The following RBPJ variants were observed in gnomAD, a reference collection of about 807,000 sequenced individuals.
RBPJ encodes recombination signal binding protein for immunoglobulin kappa J region, also known as recombining binding protein suppressor of hairless.
Under a neutral mutation model 67.8 loss-of-function variants are expected in RBPJ, and 9 were observed. That is an observed-to-expected ratio of 0.13 (90% confidence interval 0.08 to 0.23). The LOEUF is 0.23. Among genes scored for constraint, RBPJ ranks in the 10% least tolerant of loss-of-function variants. The pLI is 1.00. For missense variants in RBPJ, 305 were observed against 595.6 expected (o/e 0.51, Z 5.08); for synonymous variants, 198 against 203.3 (o/e 0.97, Z 0.22).
intron 1 of RBPJ, among the ~76,000 whole-genome samples, chr4:26,337,250 C>T (rs569738108): frequency 2.0e-5 from 3 of 152,022 alleles, no homozygotes; most frequent in Admixed American, 6.5e-5. Flanking sequence ...GGATTACAGA[C>T]GTGAGCCACC....
At chr4:26,146,677 G>T in the RBPJ span, among the ~76,000 whole-genome samples, 1 of 152,080 alleles carries the variant, frequency 6.6e-6, no homozygotes, top group East Asian at 1.9e-4. Flanking sequence ...GGAGTATGAG[G>T]GGCCCATAAT....
intron 1 of RBPJ, among the ~76,000 whole-genome samples, chr4:26,349,083 T>C (rs1726500800): frequency 1.2e-5 from 1 of 85,508 alleles, no homozygotes; most frequent in Non-Finnish European, 2.8e-5. Context: ...TGTGTGTGTG[T>C]GTGTGCGCGC....
intron 1 of RBPJ, among the ~76,000 whole-genome samples, chr4:26,276,090 CATGG>C (rs1357690574): frequency 1.3e-5 from 2 of 150,808 alleles, no homozygotes; most frequent in African/African-American, 4.9e-5. Context: ...GCCTGGCCAA[CATGG>C]TGAAACCGCA....
At chr4:26,214,422 AAG>A (rs1206901709) in intron 1 of RBPJ, among the ~76,000 whole-genome samples, 22 of 143,494 alleles carry the variant, frequency 1.5e-4, no homozygotes, top group South Asian at 1.1e-3. Flanking sequence ...GAAAGAAAGA[AAG>A]AGAAAAAGAG....
intron 1 of RBPJ, among the ~76,000 whole-genome samples, chr4:26,199,442 A>G (rs1021198700): frequency 6.6e-5 from 10 of 152,316 alleles, no homozygotes; most frequent in Admixed American, 6.5e-4. Context: ...GATAACAAGT[A>G]TTCACTAACA....
intron 4 of RBPJ, among the ~76,000 whole-genome samples, chr4:26,420,192 T>C (rs1190638521): frequency 6.6e-6 from 1 of 152,124 alleles, no homozygotes; most frequent in African/African-American, 2.4e-5. Flanking sequence ...GAGAAAGTCA[T>C]TGATTTTTTT....
At chr4:26,132,813 C>T in the RBPJ span, among the ~76,000 whole-genome samples, 1 of 152,172 alleles carries the variant, frequency 6.6e-6, no homozygotes, top group East Asian at 1.9e-4. Context: ...TCTCAACCCC[C>T]CCACCCCACA....
intron 1 of RBPJ, among the ~76,000 whole-genome samples, chr4:26,308,308 A>G (rs1333679378): frequency 6.6e-6 from 1 of 152,214 alleles, no homozygotes; most frequent in Admixed American, 6.5e-5. Context: ...AATGCATTTT[A>G]CAAATGAAAT....
intron 1 of RBPJ, among the ~76,000 whole-genome samples, chr4:26,206,050 A>C (rs1718159709): frequency 6.6e-6 from 1 of 152,162 alleles, no homozygotes. Flanking sequence ...TCTTATACCT[A>C]AAATAAGTGG....
At chr4:26,417,723 C>T in intron 4 of RBPJ, among the ~76,000 whole-genome samples, 1 of 152,174 alleles carries the variant, frequency 6.6e-6, no homozygotes, top group East Asian at 1.9e-4. Context: ...GCAGCGGATT[C>T]TGAGCTTCAG....
intron 1 of RBPJ, among the ~76,000 whole-genome samples, chr4:26,235,794 G>T (rs559281232): frequency 6.6e-6 from 1 of 152,212 alleles, no homozygotes; most frequent in Non-Finnish European, 1.5e-5. Context: ...TCTCCTGCCA[G>T]TTAGGACTGG....
At chr4:26,221,860 A>C (rs185491054) in intron 1 of RBPJ, among the ~76,000 whole-genome samples, 3 of 152,216 alleles carry the variant, frequency 2.0e-5, no homozygotes, top group Admixed American at 1.3e-4. Context: ...GCGGTGACTC[A>C]TGCCAGTGCA....
chr4:26,225,415 T>A (rs554050472), intron 1 of RBPJ, among the ~76,000 whole-genome samples: 1 of 152,158 alleles, frequency 6.6e-6, no homozygotes, highest in Admixed American at 6.5e-5. Context: ...GGGAAAATAA[T>A]GGAGACAGTA....
At chr4:26,157,108 C>CAAAAAAAAAAAAAAA in the RBPJ span, among the ~76,000 whole-genome samples, 1 of 117,812 alleles carries the variant, frequency 8.5e-6, no homozygotes, top group South Asian at 2.6e-4. Context: ...CAAAAACAAA[C>CAAAAAAAAAAAAAAA]AAACAAACAA....
intron 1 of RBPJ, among the ~76,000 whole-genome samples, chr4:26,188,272 A>G (rs983721678): frequency 6.6e-6 from 1 of 152,186 alleles, no homozygotes; most frequent in East Asian, 1.9e-4. Context: ...ATTTTCTTAA[A>G]GCACTGACAA....
At chr4:26,316,534 T>TGTATATATTC (rs55634766), upstream of RBPJ, among the ~76,000 whole-genome samples, 55,168 of 110,378 alleles carry the variant, frequency 0.5, 15,559 homozygotes, top group Admixed American at 0.63. Flanking sequence ...TATATATTCA[T>TGTATATATTC]ATATATATTC....
intron 1 of RBPJ, among the ~76,000 whole-genome samples, chr4:26,373,428 A>G (rs1360604543): frequency 2.0e-5 from 3 of 152,118 alleles, no homozygotes; most frequent in African/African-American, 7.2e-5. Flanking sequence ...GGCTCCATAA[A>G]TGCTCTGGTC....
intron 2 of RBPJ, among the ~76,000 whole-genome samples, chr4:26,396,142 A>G (rs1437370106): frequency 6.6e-6 from 1 of 152,234 alleles, no homozygotes; most frequent in Non-Finnish European, 1.5e-5. Context: ...TGAGTAACAA[A>G]CACCATGCAA....
At position 26,222,916 on chromosome 4, in the gene RBPJ, G is replaced by A. The variant is rs149230686; in HGVS notation, c.-167+59302G>A. On this transcript the variant is annotated intron_variant, in intron 1 of 4. Transcript: ENST00000512351. ...CAAGCCTGTAATTCCAGCACTTTGG[G>A]AGGCCGAGGCGGGCGGATCACGAGG... 6.7e-3 allele frequency among the ~76,000 whole-genome samples: 1,020 copies of A among 152,010 alleles called. 11 individuals are homozygous for A. The highest frequency in any genetic ancestry group is 0.022 in the African/African-American group (918 of 41,506).
Sources: allele counts gnomAD v4.1 joint callset (sites outside exome capture counted in the v4.1 genomes callset), GRCh38; gene constraint gnomAD v4.1.1; transcripts MANE v1.5; gene names NCBI Gene and HGNC (gene_info 2026-07-23, HGNC 2026-07-21).